Variants in FGD6 observed in about 807,000 individuals in gnomAD.
FGD6 encodes FYVE, RhoGEF and PH domain-containing protein 6.
FGD6 carries 90 observed loss-of-function variants against 149.4 expected under a neutral mutation model. The observed-to-expected ratio is 0.60, with a 90% CI of 0.51 to 0.72. The LOEUF is 0.72. Ranked by LOEUF, FGD6 falls within the 30% of genes least tolerant of loss-of-function variation. FGD6 has a pLI of 0.00. For missense variants in FGD6, 1,437 were observed against 1,684.8 expected (o/e 0.85, Z 2.57); for synonymous variants, 527 against 584.0 (o/e 0.90, Z 1.41).
intron 8 of FGD6, among the ~76,000 whole-genome samples, chr12:95,117,472 G>A (rs1879054115): frequency 6.6e-6 from 1 of 152,110 alleles, no homozygotes; most frequent in East Asian, 1.9e-4. Flanking sequence ...GCCTAGGCTG[G>A]AGTGTGCAGT....
At position 95,079,996 on chromosome 12, in the gene FGD6, G is replaced by C. The variant is rs1274514438; in HGVS notation, c.*1524C>G. ...GATGGAGTCTCGCTCTGTCATCCCA[G>C]GCTGGAGTGCAGTGGCACCATCTCG... is the stretch of plus-strand genomic sequence containing the variant. On this transcript the variant is annotated 3_prime_UTR_variant, in exon 21 of 21. Coordinates refer to ENST00000343958, the MANE Select transcript of FGD6 (RefSeq NM_018351.4). The C allele has an allele frequency of 7.0e-6, 1 of 141,948 alleles. No homozygotes were observed. Among genetic ancestry groups the C allele is most frequent in the Non-Finnish European group, 1.5e-5 (1 of 66,854 alleles). The allele number at this position is 141,948 out of a possible 1,614,324, so 8.8% of individuals were successfully genotyped here. A position where few individuals can be genotyped will look rare whatever the true frequency, so the allele number is the denominator to read the frequency against.
chr12:95,085,865 TA>T lies in FGD6; in HGVS notation c.4021del (p.Tyr1341ThrfsTer17). The T allele has an allele frequency of 6.2e-7, 1 of 1,612,808 alleles. No homozygotes were observed. The highest frequency in any genetic ancestry group is 8.5e-7 in the Non-Finnish European group (1 of 1,179,744). ...GGGTTTTTTATTGCCCTTTGATCTG[TA>T]CAAGTAGCCACTCATAGAAGAATCC... is the stretch of plus-strand genomic sequence containing the variant. ...TEDSSMSGYL[Y>X]RSKGNKKPWK... On this transcript the variant is annotated frameshift_variant, in exon 19 of 21. Coordinates refer to ENST00000343958, the MANE Select transcript of FGD6 (RefSeq NM_018351.4). LOFTEE classifies it high-confidence loss of function.
rs1592820607 is a variant in FGD6 at position 95,080,168 on chromosome 12, T to C, written c.*1352A>G. ...GGTTTCACCATATTGGCCAGGCTGG[T>C]CTCGATCTCCTGACCTCAGGTGGTC... On this transcript the variant is annotated 3_prime_UTR_variant, in exon 21 of 21. Coordinates refer to ENST00000343958, the MANE Select transcript of FGD6 (RefSeq NM_018351.4). 6.6e-6 allele frequency: 1 copy of C among 152,156 alleles called. No individual in the cohort carries two copies. Among genetic ancestry groups the C allele is most frequent in the Non-Finnish European group, 1.5e-5 (1 of 68,040 alleles). 9.4% of individuals were successfully genotyped at this position (152,156 alleles called of 1,614,324 possible).
chr12:95,182,175 C>T (rs11107928), intron 2 of FGD6, among the ~76,000 whole-genome samples: 1 of 126,918 alleles, frequency 7.9e-6, no homozygotes, highest in Non-Finnish European at 1.7e-5. Flanking sequence ...CAAGAGAATA[C>T]TTCACAGTTG....
At position 95,134,160 on chromosome 12, in the gene FGD6, G is replaced by A. The variant is rs574495823; in HGVS notation, c.3082+579C>T. 8.4e-4 allele frequency among the ~76,000 whole-genome samples: 128 copies of A among 152,008 alleles called. 2 individuals are homozygous for A. The highest frequency in any genetic ancestry group is 3.0e-3 in the African/African-American group (123 of 41,450). On this transcript the variant is annotated intron_variant, in intron 8 of 20. Coordinates refer to ENST00000343958, the MANE Select transcript of FGD6 (RefSeq NM_018351.4). Reference sequence around the variant, plus strand: ...TTATTCCTGTTTTTTTTAGACAGGGGTCTATGTTTCCCAGGATAGTCTCAA... The same window carrying A: ...TTATTCCTGTTTTTTTTAGACAGGGATCTATGTTTCCCAGGATAGTCTCAA...
intron 6 of FGD6, among the ~76,000 whole-genome samples, chr12:95,139,551 G>C (rs1374641576): frequency 6.6e-6 from 1 of 151,716 alleles, no homozygotes; most frequent in Non-Finnish European, 1.5e-5. Context: ...GGCCAGGCTG[G>C]TCTCAAACTC....
At chr12:95,114,922 C>T (rs1469791139) in intron 8 of FGD6, among the ~76,000 whole-genome samples, 1 of 152,060 alleles carries the variant, frequency 6.6e-6, no homozygotes, top group African/African-American at 2.4e-5. Context: ...CCATGTGTCC[C>T]CCTGGCTTCA....
At chr12:95,154,067 C>T (rs975258467) in intron 3 of FGD6, among the ~76,000 whole-genome samples, 4 of 152,060 alleles carry the variant, frequency 2.6e-5, no homozygotes, top group African/African-American at 9.7e-5. Context: ...TCGAGAGATT[C>T]TCCTGCCTCA....
intron 9 of FGD6, among the ~76,000 whole-genome samples, chr12:95,112,825 C>T (rs1481255557): frequency 6.6e-6 from 1 of 152,120 alleles, no homozygotes; most frequent in Non-Finnish European, 1.5e-5. Context: ...CCCTTAAGTA[C>T]TACTAGGGCT....
At chr12:95,113,848 A>G in intron 8 of FGD6, 147 bp from the exon 9 acceptor site, 2 of 515,462 alleles carry the variant, frequency 3.9e-6, no homozygotes, top group Non-Finnish European at 6.7e-6. Flanking sequence ...GTGAAAAAAT[A>G]AAGCCCTGAG....
At chr12:95,201,768 T>C (rs539318760) in intron 2 of FGD6, among the ~76,000 whole-genome samples, 1 of 152,302 alleles carries the variant, frequency 6.6e-6, no homozygotes, top group African/African-American at 2.4e-5. Context: ...ACTCAAATTT[T>C]ATAAAAACAA....
chr12:95,150,959 G>A (rs1880293345), intron 5 of FGD6, among the ~76,000 whole-genome samples: 1 of 151,988 alleles, frequency 6.6e-6, no homozygotes, highest in Non-Finnish European at 1.5e-5. Flanking sequence ...AGCCTGGCGT[G>A]GTGGATGGCT....
chr12:95,135,458 G>A (rs953441510), intron 7 of FGD6, among the ~76,000 whole-genome samples: 2 of 152,188 alleles, frequency 1.3e-5, no homozygotes, highest in African/African-American at 4.8e-5. Context: ...ATTTGATTAT[G>A]GAACCACATT....
In FGD6 at chr12:95,209,573, G is replaced by A. The variant is rs754752230; in HGVS notation, c.1711C>T (p.His571Tyr). 4.3e-6 allele frequency: 7 copies of A among 1,613,994 alleles called. No homozygotes were observed. Among genetic ancestry groups the A allele is most frequent in the Non-Finnish European group, 5.9e-6 (7 of 1,180,026 alleles). The change falls in exon 2 of 21, where the codon CAT becomes TAT. Residue 571 changes from histidine to tyrosine, a missense_variant. By Grantham distance (83) the His-to-Tyr change is moderately conservative (BLOSUM62 2). This residue lies in a region of FGD6 where 1,055 missense variants were observed against 1,146.0 expected (regional missense o/e 0.92). Coordinates refer to ENST00000343958, the MANE Select transcript of FGD6 (RefSeq NM_018351.4). ...ASEKPVWKLP[H>Y]PILPFSGNPE... Reference sequence around the variant, plus strand: ...TTCCCTGAAAAGGGTAAAATAGGATGAGGTAACTTCCACACTGGCTTTTCT... The same window carrying A: ...TTCCCTGAAAAGGGTAAAATAGGATAAGGTAACTTCCACACTGGCTTTTCT...
intron 17 of FGD6, among the ~76,000 whole-genome samples, chr12:95,090,265 A>G (rs935958672): frequency 6.6e-6 from 1 of 152,158 alleles, no homozygotes; most frequent in Admixed American, 6.5e-5. Context: ...ATGAAATTAA[A>G]TCATCTATCT....
At chr12:95,110,850 G>T (rs4132527) in intron 9 of FGD6, among the ~76,000 whole-genome samples, 95,607 of 151,902 alleles carry the variant, frequency 0.63, 30,353 homozygotes, top group East Asian at 0.67. Context: ...CCTACTCCAT[G>T]CTGTGATTCT....
At chr12:95,089,904 T>C (rs1025195474) in intron 17 of FGD6, among the ~76,000 whole-genome samples, 2 of 152,108 alleles carry the variant, frequency 1.3e-5, no homozygotes, top group Non-Finnish European at 2.9e-5. Flanking sequence ...TTTTGAACTT[T>C]ATGTGAAAGG....
chr12:95,153,230 C>A (rs1036853138), intron 3 of FGD6, among the ~76,000 whole-genome samples: 29 of 152,308 alleles, frequency 1.9e-4, no homozygotes, highest in African/African-American at 6.5e-4. Context: ...TGATGAACTG[C>A]CCTGAGTAGC....
Position 95,094,737 on chromosome 12 carries a change from G to C in FGD6, c.3498-43C>G, listed in dbSNP as rs759958862. The stretch of plus-strand genomic sequence containing the variant: ...TTTCATCAACCAGATGTCAGTTTTT[G>C]TTCTTTTCCTTTTTCTTCTTTTCTT... On this transcript the variant is annotated intron_variant, in intron 14 of 20. Transcript: ENST00000343958. 6 of 1,421,806 alleles carry C rather than the reference G, an allele frequency of 4.2e-6. 1 individual carries two copies. In the South Asian group the frequency reaches 7.0e-5, roughly 16 times the overall value. 88.1% of individuals were successfully genotyped at this position (1,421,806 alleles called of 1,614,324 possible).
Sources: allele counts gnomAD v4.1 joint callset (sites outside exome capture counted in the v4.1 genomes callset), GRCh38; gene constraint gnomAD v4.1.1; regional missense constraint gnomAD v4.1.1; transcripts MANE v1.5; gene names NCBI Gene and HGNC (gene_info 2026-07-23, HGNC 2026-07-21).